Variants in MACROD2 observed in about 807,000 individuals in gnomAD.
MACROD2 encodes ADP-ribose glycohydrolase MACROD2.
In MACROD2, 36 loss-of-function variants were observed where a neutral mutation model predicts 70.4. That is an observed-to-expected ratio of 0.51 (90% CI 0.39 to 0.68). The LOEUF is 0.68. MACROD2 is among the 30% of genes least tolerant of loss of function. MACROD2 has a pLI of 0.00. For missense variants in MACROD2, 496 were observed against 538.4 expected (o/e 0.92, Z 0.78); for synonymous variants, 172 against 178.8 (o/e 0.96, Z 0.30).
intron 3 of MACROD2, among the ~76,000 whole-genome samples, chr20:14,381,055 G>A (rs2083416038): frequency 6.6e-6 from 1 of 152,068 alleles, no homozygotes; most frequent in Admixed American, 6.6e-5. Flanking sequence ...TTATAACTCT[G>A]CTAGTACAAG....
chr20:15,549,505 A>G (rs970110118), intron 8 of MACROD2, among the ~76,000 whole-genome samples: 1 of 152,226 alleles, frequency 6.6e-6, no homozygotes. Context: ...TTATATACCA[A>G]ATGTATACAT....
intron 10 of MACROD2, among the ~76,000 whole-genome samples, chr20:15,914,070 A>T (rs1180981699): frequency 1.3e-5 from 2 of 152,242 alleles, no homozygotes; most frequent in Non-Finnish European, 1.5e-5. Flanking sequence ...AGTAGTGGAC[A>T]TGGTAATAAA....
At chr20:14,121,153 T>C (rs1678133621) in intron 3 of MACROD2, among the ~76,000 whole-genome samples, 1 of 152,130 alleles carries the variant, frequency 6.6e-6, no homozygotes, top group South Asian at 2.1e-4. Context: ...ATGAGAAAAC[T>C]CTAGTAACGA....
chr20:14,829,393 G>A (rs775217434), intron 5 of MACROD2, among the ~76,000 whole-genome samples: 1 of 151,954 alleles, frequency 6.6e-6, no homozygotes, highest in African/African-American at 2.4e-5. Flanking sequence ...GCCTCCCAAA[G>A]TGCTGGGAGA....
At chr20:14,833,468 T>C (rs1272822478) in intron 5 of MACROD2, among the ~76,000 whole-genome samples, 1 of 152,098 alleles carries the variant, frequency 6.6e-6, no homozygotes, top group Non-Finnish European at 1.5e-5. Context: ...TTATGAGGCA[T>C]TGAAAAAGTG....
intron 5 of MACROD2, among the ~76,000 whole-genome samples, chr20:14,869,710 G>A (rs1213921900): frequency 1.3e-5 from 2 of 152,156 alleles, no homozygotes; most frequent in Non-Finnish European, 2.9e-5. Context: ...GAAGAAATTG[G>A]ATTCTTCATT....
rs1568745490 is a variant in MACROD2 at position 14,699,812 on chromosome 20, CTTTTTAAATCT to C, written c.418+14854_418+14864del. On this transcript the variant is annotated intron_variant, in intron 5 of 17. Transcript: ENST00000684519. ...TAAATCTAGAAGTTTAAAGTTTAAACTTTTTAAATCTAGAAGTTTAAAGTTTAAACTTTTTA... is the reference window on the plus strand; with the variant it reads ...TAAATCTAGAAGTTTAAAGTTTAAACAGAAGTTTAAAGTTTAAACTTTTTA... Among the ~76,000 whole-genome samples, 254 of 149,100 alleles carry C rather than the reference CTTTTTAAATCT, an allele frequency of 1.7e-3. 7 individuals are homozygous for C. The highest frequency in any genetic ancestry group is 2.0e-3 in the Non-Finnish European group (136 of 67,120).
At chr20:15,028,660 G>GA (rs2075251530) in intron 5 of MACROD2, among the ~76,000 whole-genome samples, 3 of 152,086 alleles carry the variant, frequency 2.0e-5, no homozygotes, top group Admixed American at 2.0e-4. Context: ...TACCTCCCTG[G>GA]AAGGTCAAGG....
intron 4 of MACROD2, among the ~76,000 whole-genome samples, chr20:14,631,682 G>A (rs1010463250): frequency 1.4e-4 from 22 of 152,344 alleles, no homozygotes; most frequent in Non-Finnish European, 3.1e-4. Flanking sequence ...GGCTGAGGCA[G>A]GAGAATGGCG....
At chr20:14,908,068 G>T (rs528485823) in intron 5 of MACROD2, among the ~76,000 whole-genome samples, 4 of 152,206 alleles carry the variant, frequency 2.6e-5, no homozygotes, top group Admixed American at 6.5e-5. Context: ...TGTCAGCCAG[G>T]CACGGTGGCT....
intron 6 of MACROD2, among the ~76,000 whole-genome samples, chr20:15,344,543 A>C (rs1346548313): frequency 6.6e-6 from 1 of 152,164 alleles, no homozygotes; most frequent in Non-Finnish European, 1.5e-5. Context: ...TCTGAGGCCC[A>C]GTTTTTTTCG....
chr20:14,415,235 G>GT (rs759554151), intron 3 of MACROD2, among the ~76,000 whole-genome samples: 3 of 152,168 alleles, frequency 2.0e-5, no homozygotes, highest in Non-Finnish European at 4.4e-5. Context: ...ATACCAGCGT[G>GT]TAACACCAAG....
At chr20:14,596,671 C>T (rs1274880494) in intron 4 of MACROD2, among the ~76,000 whole-genome samples, 2 of 152,064 alleles carry the variant, frequency 1.3e-5, no homozygotes, top group Non-Finnish European at 2.9e-5. Context: ...TTAGAAGTAG[C>T]AGAGTATAAA....
At chr20:15,902,226 CTTTTG>C (rs1354323141) in intron 10 of MACROD2, among the ~76,000 whole-genome samples, 3 of 152,156 alleles carry the variant, frequency 2.0e-5, no homozygotes, top group Non-Finnish European at 4.4e-5. Flanking sequence ...ATTCCACATA[CTTTTG>C]TTAATGCCTA....
intron 4 of MACROD2, among the ~76,000 whole-genome samples, chr20:14,499,742 TCCTCCCTCCCTCCTG>T (rs2084895715): frequency 6.6e-6 from 1 of 151,956 alleles, no homozygotes; most frequent in Non-Finnish European, 1.5e-5. Context: ...CCGTCTTCTG[TCCTCCCTCCCTCCTG>T]CCTCCCTTCC....
chr20:14,260,607 A>G (rs2082093724), intron 3 of MACROD2, among the ~76,000 whole-genome samples: 1 of 152,086 alleles, frequency 6.6e-6, no homozygotes, highest in Admixed American at 6.5e-5. Context: ...CCAGCCCCTA[A>G]GCTCCTTTTA....
intron 5 of MACROD2, among the ~76,000 whole-genome samples, chr20:14,771,361 T>C (rs780779959): frequency 3.9e-5 from 6 of 151,990 alleles, no homozygotes; most frequent in Non-Finnish European, 8.8e-5. Context: ...TGAATGAAAA[T>C]GCTCATTTAA....
chr20:14,690,070 C>A (rs2071045226), intron 5 of MACROD2, among the ~76,000 whole-genome samples: 1 of 97,038 alleles, frequency 1.0e-5, no homozygotes, highest in Non-Finnish European at 2.0e-5. Context: ...AATGGAGTTT[C>A]TCCTAAGGAG....
intron 9 of MACROD2, among the ~76,000 whole-genome samples, chr20:15,884,794 G>A (rs1351843875): frequency 6.6e-6 from 1 of 152,042 alleles, no homozygotes; most frequent in Non-Finnish European, 1.5e-5. Context: ...ACAAACAAAA[G>A]AAATTTATTT....
Sources: allele counts gnomAD v4.1 joint callset (sites outside exome capture counted in the v4.1 genomes callset), GRCh38; gene constraint gnomAD v4.1.1; transcripts MANE v1.5; gene names NCBI Gene and HGNC (gene_info 2026-07-23, HGNC 2026-07-21).